ATP8A2: variants seen among roughly 807,000 people sequenced by gnomAD.
The protein encoded by ATP8A2 is ATPase phospholipid transporting 8A2.
A neutral mutation model predicts 165.6 loss-of-function variants in ATP8A2; 100 were observed. The observed-to-expected ratio is 0.60, with a 90% CI of 0.51 to 0.71. The LOEUF (loss-of-function observed/expected upper bound fraction) is 0.71, where lower values mean the gene tolerates loss of function less well. Among genes scored for constraint, ATP8A2 ranks in the 30% least tolerant of loss-of-function variants. ATP8A2 has a pLI of 0.00. For missense variants in ATP8A2, 1,227 were observed against 1,479.5 expected, an observed-to-expected ratio of 0.83 and a Z score of 2.80; for synonymous variants, 543 against 548.8, an observed-to-expected ratio of 0.99 and a Z score of 0.15.
At chr13:25,389,483 A>G (rs1371040922) in intron 1 of ATP8A2, among the ~76,000 whole-genome samples, 3 of 152,228 alleles carry the variant, frequency 2.0e-5, no homozygotes, top group African/African-American at 7.2e-5. Context: ...TTAGTCAGGG[A>G]CAAATGAACT....
intron 25 of ATP8A2, among the ~76,000 whole-genome samples, chr13:25,738,806 C>A (rs780462260): frequency 3.9e-5 from 6 of 152,152 alleles, no homozygotes; most frequent in African/African-American, 7.2e-5. Context: ...AATGAGGTGG[C>A]AAGGTAAATC....
intron 33 of ATP8A2, among the ~76,000 whole-genome samples, chr13:25,959,541 G>A (rs1164459526): frequency 3.3e-5 from 5 of 152,116 alleles, no homozygotes; most frequent in Admixed American, 3.3e-4. Flanking sequence ...TGTACGTGTG[G>A]GTGTACCTCA....
intron 1 of ATP8A2, among the ~76,000 whole-genome samples, chr13:25,443,489 T>C (rs1230959577): frequency 1.3e-5 from 2 of 152,256 alleles, no homozygotes; most frequent in African/African-American, 4.8e-5. Flanking sequence ...AGACAACTGC[T>C]GTTCTAAGTA....
chr13:25,751,334 T>C (rs759567772), intron 25 of ATP8A2, among the ~76,000 whole-genome samples: 4 of 152,244 alleles, frequency 2.6e-5, no homozygotes, highest in Non-Finnish European at 5.9e-5. Flanking sequence ...AAAGTTATGA[T>C]GGAAATATCC....
At position 25,806,797 on chromosome 13, in the gene ATP8A2, A is replaced by G. The variant is rs188503857; in HGVS notation, c.2680-21321A>G. Among the ~76,000 whole-genome samples, 201 of 152,302 alleles carry G rather than the reference A, an allele frequency of 1.3e-3. 1 individual carries two copies. Among genetic ancestry groups the G allele is most frequent in the Non-Finnish European group, 1.8e-3 (125 of 68,018 alleles). On this transcript the variant is annotated intron_variant, in intron 27 of 36. Transcript: ENST00000381655. ...TTCATCATTTTACATTCTTACCAGC[A>G]ATGTGCTAGGTTCCAGTTTCTCCAT...
chr13:25,530,730 G>A (rs1236645713), intron 4 of ATP8A2, 70 bp downstream of exon 4: 3 of 990,488 alleles, frequency 3.0e-6, no homozygotes, highest in Non-Finnish European at 4.6e-6. Context: ...TGCCTCGGGT[G>A]ATATATTTAA....
At chr13:25,811,953 A>G (rs75233004) in intron 27 of ATP8A2, among the ~76,000 whole-genome samples, 2,434 of 152,280 alleles carry the variant, frequency 0.016, 25 homozygotes, top group Non-Finnish European at 0.027. Context: ...TTCATTTTAG[A>G]CATTATCTTT....
intron 24 of ATP8A2, among the ~76,000 whole-genome samples, chr13:25,641,645 G>A (rs899691756): frequency 1.3e-5 from 2 of 152,160 alleles, no homozygotes; most frequent in Non-Finnish European, 2.9e-5. Flanking sequence ...TCATGGATAG[G>A]AAGAATCAAT....
In ATP8A2 at chr13:26,024,163, C is replaced by G. The variant is rs1957124811; in HGVS notation, c.*4178C>G. The G allele has an allele frequency of 2.0e-5, 3 of 152,142 alleles. No homozygotes were observed. Among genetic ancestry groups the G allele is most frequent in the Admixed American group, 2.0e-4 (3 of 15,280 alleles). The allele number at this position is 152,142 out of a possible 1,614,324, so 9.4% of individuals were successfully genotyped here. ...GCCTTCGGGGAGATTTAACCTCATT[C>G]TAGCCATTTTTCCATCCTGAAGGCC... On this transcript the variant is annotated 3_prime_UTR_variant, in exon 37 of 37. Transcript: ENST00000381655.
intron 24 of ATP8A2, among the ~76,000 whole-genome samples, chr13:25,665,473 T>C (rs1423182631): frequency 6.6e-6 from 1 of 150,762 alleles, no homozygotes; most frequent in Non-Finnish European, 1.5e-5. Flanking sequence ...TTTGGATGAC[T>C]TTTTTTTCCT....
intron 1 of ATP8A2, among the ~76,000 whole-genome samples, chr13:25,424,695 T>C (rs906609963): frequency 6.6e-6 from 1 of 152,162 alleles, no homozygotes; most frequent in Admixed American, 6.5e-5. Context: ...CGGTGGCTCA[T>C]GCCTATAATC....
chr13:25,568,554 T>C (rs560175256), intron 16 of ATP8A2, among the ~76,000 whole-genome samples: 1 of 152,222 alleles, frequency 6.6e-6, no homozygotes, highest in South Asian at 2.1e-4. Context: ...GTACATACAA[T>C]AGGCAAATTC....
chr13:25,447,421 G>A (rs972868884), intron 1 of ATP8A2, among the ~76,000 whole-genome samples: 2 of 152,098 alleles, frequency 1.3e-5, no homozygotes, highest in African/African-American at 4.8e-5. Flanking sequence ...GAGTTCCCTT[G>A]ACCCCCTCGT....
intron 15 of ATP8A2, among the ~76,000 whole-genome samples, chr13:25,560,075 G>T (rs1228538890): frequency 1.3e-5 from 2 of 151,984 alleles, no homozygotes; most frequent in Non-Finnish European, 2.9e-5. Context: ...CTATCCTCCC[G>T]CTGTGTCTTC....
At chr13:25,924,906 A>G (rs1243012384) in intron 33 of ATP8A2, among the ~76,000 whole-genome samples, 1 of 152,188 alleles carries the variant, frequency 6.6e-6, no homozygotes, top group Admixed American at 6.5e-5. Flanking sequence ...CACGTAAGAC[A>G]TGCCTTTGCT....
chr13:26,009,624 T>C (rs1244603212), intron 35 of ATP8A2, among the ~76,000 whole-genome samples: 1 of 152,136 alleles, frequency 6.6e-6, no homozygotes, highest in African/African-American at 2.4e-5. Flanking sequence ...CAGGGACTTC[T>C]AGGGTCCCAA....
intron 33 of ATP8A2, among the ~76,000 whole-genome samples, chr13:25,884,107 C>T (rs559349600): frequency 2.0e-5 from 3 of 152,216 alleles, no homozygotes; most frequent in Non-Finnish European, 2.9e-5. Context: ...TCCCTTGTAC[C>T]GACATGGTGG....
Position 25,515,568 on chromosome 13 carries a change from A to G in ATP8A2, c.222-14431A>G, listed in dbSNP as rs7318735. 1.0e-3 allele frequency among the ~76,000 whole-genome samples: 158 copies of G among 152,366 alleles called. No homozygotes were observed. The East Asian group carries it at 0.013, about 12-fold the overall frequency. ...GTCTGGCGAAAGCAGAAAGAAGTCT[A>G]TTTTAGAAAAAAGACAACCCCACAT... On this transcript the variant is annotated intron_variant, in intron 2 of 36. Transcript: ENST00000381655.
At chr13:25,901,211 G>A (rs750970681) in intron 33 of ATP8A2, among the ~76,000 whole-genome samples, 8 of 152,164 alleles carry the variant, frequency 5.3e-5, no homozygotes, top group Non-Finnish European at 1.2e-4. Flanking sequence ...AAACTGCATT[G>A]TACTGGAAGG....
Sources: gnomAD v4.1 joint callset for allele counts (sites outside exome capture counted in the v4.1 genomes callset) on GRCh38, gnomAD v4.1.1 for gene constraint, MANE v1.5 for transcripts, NCBI Gene and HGNC (gene_info 2026-07-23, HGNC 2026-07-21) for gene names.